GRIP1: variants seen among roughly 807,000 people sequenced by gnomAD.
The protein encoded by GRIP1 is glutamate receptor interacting protein 1.
A neutral mutation model predicts 129.9 loss-of-function variants in GRIP1; 45 were observed. That is an observed-to-expected ratio of 0.35 (90% CI 0.27 to 0.44). GRIP1 has a LOEUF of 0.44. Among genes scored for constraint, GRIP1 ranks in the 20% least tolerant of loss-of-function variants. GRIP1 has a pLI of 1.00. For missense variants in GRIP1, 1,196 were observed against 1,396.8 expected, an observed-to-expected ratio of 0.86 and a Z score of 2.29; for synonymous variants, 530 against 520.8, an observed-to-expected ratio of 1.02 and a Z score of -0.24.
intron 1 of GRIP1, among the ~76,000 whole-genome samples, chr12:67,002,664 T>G (rs547949074): frequency 6.6e-6 from 1 of 152,220 alleles, no homozygotes; most frequent in African/African-American, 2.4e-5. Flanking sequence ...TATTTTCTTT[T>G]CTCATTTTTA....
At chr12:66,529,736 A>G (rs751220948) in intron 5 of GRIP1, 95 bp downstream of exon 5, 2 of 795,180 alleles carry the variant, frequency 2.5e-6, no homozygotes, top group Non-Finnish European at 4.5e-6. Flanking sequence ...CCACTAAATA[A>G]CTTATTCATG....
intron 1 of GRIP1, among the ~76,000 whole-genome samples, chr12:66,735,434 C>T (rs936540480): frequency 2.6e-5 from 4 of 152,146 alleles, no homozygotes; most frequent in African/African-American, 7.2e-5. Context: ...ATAATAAACA[C>T]GCTCACTAGC....
In GRIP1 at chr12:66,785,682, C is replaced by A. The variant is rs2038319134; in HGVS notation, c.-420+18371G>T. 2.0e-5 allele frequency among the ~76,000 whole-genome samples: 3 copies of A among 152,106 alleles called. No homozygotes were observed. The South Asian group carries it at 6.2e-4, about 32-fold the overall frequency. Reference sequence around the variant, plus strand: ...CCTGAAATTCCATCATTTAGAGATTCATTTGGGTTAATAAGCAAAAACAAA... The same window carrying A: ...CCTGAAATTCCATCATTTAGAGATTAATTTGGGTTAATAAGCAAAAACAAA... On this transcript the variant is annotated intron_variant, in intron 1 of 4. Transcript: ENST00000538373.
At chr12:67,053,260 C>T (rs902676456) in intron 1 of GRIP1, among the ~76,000 whole-genome samples, 8 of 152,132 alleles carry the variant, frequency 5.3e-5, no homozygotes, top group African/African-American at 1.7e-4. Flanking sequence ...TATTCCAAAG[C>T]TGGGGGATAA....
At chr12:66,561,544 G>A (rs1450099204) in intron 2 of GRIP1, among the ~76,000 whole-genome samples, 1 of 151,988 alleles carries the variant, frequency 6.6e-6, no homozygotes, top group African/African-American at 2.4e-5. Flanking sequence ...GGTTAGTTAT[G>A]ATTATTTAGA....
rs532155890 is a variant in GRIP1, at chr12:66,456,190, G to C, written c.1195C>G (p.Pro399Ala). Reference protein sequence around the residue: ...TFPKAPPPNSPPALVSSSFSP... With the variant: ...TFPKAPPPNSAPALVSSSFSP... ...AGGAGAAAGCATGGAACATTACGAG[G>C]GCTGTTTGGAGGAGGTGCTTTCGGG... The change falls in exon 10 of 25, where the codon CCT becomes GCT. Residue 399 changes from proline (P) to alanine (A), a missense_variant. Physicochemically the swap from Pro to Ala is conservative, Grantham distance 27 (BLOSUM62 -1). Coordinates refer to ENST00000359742, the MANE Select transcript of GRIP1 (RefSeq NM_001366722.1). 6 of 1,287,172 alleles carry C rather than the reference G, an allele frequency of 4.7e-6. No homozygotes were observed. In the African/African-American group the frequency reaches 9.1e-5, roughly 20 times the overall value. 79.7% of individuals were successfully genotyped at this position (1,287,172 alleles called of 1,614,324 possible). A position where few individuals can be genotyped will look rare whatever the true frequency, so the allele number is the denominator to read the frequency against.
intron 1 of GRIP1, among the ~76,000 whole-genome samples, chr12:66,666,229 A>C (rs978342251): frequency 6.6e-6 from 1 of 152,174 alleles, no homozygotes; most frequent in African/African-American, 2.4e-5. Flanking sequence ...AATATTTTTC[A>C]CTGGAGAATC....
intron 1 of GRIP1, among the ~76,000 whole-genome samples, chr12:66,929,749 C>G (rs1417150302): frequency 6.6e-6 from 1 of 152,180 alleles, no homozygotes. Flanking sequence ...ATACTGACAA[C>G]AAGAAACTTG....
At chr12:66,687,906 T>C (rs1053541730) in intron 1 of GRIP1, among the ~76,000 whole-genome samples, 2 of 152,228 alleles carry the variant, frequency 1.3e-5, no homozygotes, top group Non-Finnish European at 2.9e-5. Flanking sequence ...TAATGAGATG[T>C]AATCCCAGAA....
chr12:66,582,075 A>T (rs531936731), intron 2 of GRIP1, among the ~76,000 whole-genome samples: 76 of 152,254 alleles, frequency 5.0e-4, no homozygotes, highest in African/African-American at 1.6e-3. Context: ...GTGGGCTTCA[A>T]CCCTGGGATG....
rs537455851 is a variant in GRIP1 at position 66,450,212 on chromosome 12, C to G, written c.1355-4704G>C. Among the ~76,000 whole-genome samples, 22 of 141,200 alleles carry G rather than the reference C, an allele frequency of 1.6e-4. No homozygotes were observed. In the South Asian group the frequency reaches 2.5e-3, roughly 16 times the overall value. 92.6% of individuals were successfully genotyped at this position (141,200 alleles called of 152,430 possible). A position where few individuals can be genotyped will look rare whatever the true frequency, so the allele number is the denominator to read the frequency against. ...CCAGCTACTCGGGAGGCTGAGGCAG[C>G]AGAATGGCGTGAACCCGGGAGGCGG... On this transcript the variant is annotated intron_variant, in intron 11 of 24. Coordinates refer to ENST00000359742, the MANE Select transcript of GRIP1 (RefSeq NM_001366722.1).
intron 1 of GRIP1, among the ~76,000 whole-genome samples, chr12:66,872,648 A>G (rs2040315632): frequency 6.6e-6 from 1 of 152,080 alleles, no homozygotes; most frequent in African/African-American, 2.4e-5. Flanking sequence ...GACAGTTGCT[A>G]TAATGATGCC....
intron 2 of GRIP1, among the ~76,000 whole-genome samples, chr12:66,542,553 A>C (rs992131781): frequency 6.6e-6 from 1 of 152,220 alleles, no homozygotes; most frequent in African/African-American, 2.4e-5. Context: ...GATCCTCAGA[A>C]TTTCCAGGTA....
intron 5 of GRIP1, among the ~76,000 whole-genome samples, chr12:66,522,368 G>A (rs2061045424): frequency 6.6e-6 from 1 of 152,152 alleles, no homozygotes; most frequent in Admixed American, 6.5e-5. Context: ...TACAGCCACT[G>A]CTGTTCTACA....
At chr12:66,901,604 GGCTATGTCAGGAAA>G (rs1262261086) in intron 1 of GRIP1, among the ~76,000 whole-genome samples, 1 of 152,210 alleles carries the variant, frequency 6.6e-6, no homozygotes, top group Non-Finnish European at 1.5e-5. Flanking sequence ...TTCAATTCAA[GGCTATGTCAGGAAA>G]GCTGGGATGT....
At chr12:66,922,091 A>G (rs553060217) in intron 1 of GRIP1, among the ~76,000 whole-genome samples, 82 of 150,428 alleles carry the variant, frequency 5.5e-4, no homozygotes, top group Non-Finnish European at 9.5e-4. Flanking sequence ...TAGCTGGTTT[A>G]TATTTCATTT....
chr12:67,015,147 T>C (rs769456939), intron 1 of GRIP1, among the ~76,000 whole-genome samples: 2 of 152,164 alleles, frequency 1.3e-5, no homozygotes, highest in Non-Finnish European at 2.9e-5. Context: ...GACGTGCACA[T>C]ACACATCAGA....
In GRIP1 at chr12:66,833,399, A is replaced by G. The variant is rs962940909; in HGVS notation, c.58+235651T>C. On this transcript the variant is annotated intron_variant, in intron 1 of 1. Coordinates refer to the GRIP1 transcript ENST00000643019. The stretch of plus-strand genomic sequence containing the variant: ...GAGAAAGTCCCCACCATTCCCCAGC[A>G]TACAGATCCAGGTCTCCTCACATTA... Among the ~76,000 whole-genome samples, 7 of 152,136 alleles carry G rather than the reference A, an allele frequency of 4.6e-5. 1 individual carries two copies. The highest frequency in any genetic ancestry group is 1.7e-4 in the African/African-American group (7 of 41,426).
chr12:66,932,619 C>A (rs957423038), intron 1 of GRIP1, among the ~76,000 whole-genome samples: 5 of 151,292 alleles, frequency 3.3e-5, no homozygotes, highest in East Asian at 1.9e-4. Context: ...AAAAAAATTC[C>A]GAGGAGCTAA....
Sources: allele counts gnomAD v4.1 joint callset (sites outside exome capture counted in the v4.1 genomes callset), GRCh38; gene constraint gnomAD v4.1.1; transcripts MANE v1.5; gene names NCBI Gene and HGNC (gene_info 2026-07-23, HGNC 2026-07-21).